The following COL19A1 variants were observed in gnomAD, a reference collection of about 807,000 sequenced individuals.
The protein encoded by COL19A1 is collagen alpha-1(XIX) chain.
In COL19A1, 159 loss-of-function variants were observed where a neutral mutation model predicts 190.2. That is an observed-to-expected ratio of 0.84 (90% confidence interval 0.73 to 0.95). The LOEUF is 0.95. Ranked by LOEUF, COL19A1 falls within the 40% of genes least tolerant of loss-of-function variation. COL19A1 has a pLI of 0.00. For missense variants in COL19A1, 1,418 were observed against 1,431.9 expected (o/e 0.99, Z 0.16); for synonymous variants, 509 against 458.9 (o/e 1.11, Z -1.39).
chr6:69,995,784 C>G (rs1227090489), intron 11 of COL19A1, among the ~76,000 whole-genome samples: 4 of 151,970 alleles, frequency 2.6e-5, no homozygotes, highest in African/African-American at 9.7e-5. Flanking sequence ...TCTATTGATA[C>G]CTACATTTGT....
rs543558956 is a variant in COL19A1 at position 69,871,152 on chromosome 6, A to G, written c.-33+4512A>G. ...GACCTAGTCGTAAACTCTTAGGGAT[A>G]TTTTGCCTGATTATTGGCTTGAATT... On this transcript the variant is annotated intron_variant, in intron 1 of 50. Coordinates refer to ENST00000620364, the MANE Select transcript of COL19A1 (RefSeq NM_001858.6). 3.9e-5 allele frequency among the ~76,000 whole-genome samples: 6 copies of G among 152,244 alleles called. No homozygotes were observed. The East Asian group carries it at 5.8e-4, about 15-fold the overall frequency.
intron 15 of COL19A1, among the ~76,000 whole-genome samples, chr6:70,097,635 C>A (rs2150182778): frequency 6.6e-6 from 1 of 152,236 alleles, no homozygotes; most frequent in Non-Finnish European, 1.5e-5. Flanking sequence ...AGGCAGATAT[C>A]TAAATTATTG....
chr6:69,988,974 T>G (rs73746845), intron 11 of COL19A1, among the ~76,000 whole-genome samples: 3,310 of 152,296 alleles, frequency 0.022, 121 homozygotes, highest in African/African-American at 0.07. Context: ...TTCTGGGCTT[T>G]GCACAGGTCT....
intron 14 of COL19A1, among the ~76,000 whole-genome samples, chr6:70,051,603 A>T (rs776053685): frequency 3.3e-5 from 5 of 152,134 alleles, no homozygotes; most frequent in Non-Finnish European, 4.4e-5. Flanking sequence ...CTAAACAGTA[A>T]GCAAATCTAT....
chr6:70,020,042 G>A (rs1204568106), intron 11 of COL19A1, among the ~76,000 whole-genome samples: 1 of 151,974 alleles, frequency 6.6e-6, no homozygotes, highest in Non-Finnish European at 1.5e-5. Flanking sequence ...TTTTATATGG[G>A]AAAGCTTTAG....
intron 1 of COL19A1, among the ~76,000 whole-genome samples, chr6:69,876,589 A>G (rs1204476858): frequency 6.6e-6 from 1 of 152,196 alleles, no homozygotes; most frequent in Non-Finnish European, 1.5e-5. Flanking sequence ...CAATTTGAAG[A>G]TGAATAAATT....
At chr6:70,157,557 A>G (rs750592923) in intron 34 of COL19A1, among the ~76,000 whole-genome samples, 1 of 152,124 alleles carries the variant, frequency 6.6e-6, no homozygotes, top group Non-Finnish European at 1.5e-5. Context: ...TATATTTTAC[A>G]TTACCAGTAA....
chr6:70,069,502 C>G (rs1001820557), intron 15 of COL19A1, among the ~76,000 whole-genome samples: 3 of 152,114 alleles, frequency 2.0e-5, no homozygotes, highest in Non-Finnish European at 4.4e-5. Flanking sequence ...TAATCTTTGT[C>G]AGAAAACACT....
At chr6:69,977,363 T>G (rs112922152) in intron 11 of COL19A1, among the ~76,000 whole-genome samples, 6,629 of 124,840 alleles carry the variant, frequency 0.053, 487 homozygotes, top group African/African-American at 0.17. Context: ...AGTTGAACAA[T>G]GAGAACACAT....
At position 70,184,888 on chromosome 6, in the gene COL19A1, T is replaced by G. The variant is rs952879040; in HGVS notation, c.2829T>G (p.Pro943=). 8.1e-6 allele frequency: 13 copies of G among 1,613,290 alleles called. No homozygotes were observed. Among genetic ancestry groups the G allele is most frequent in the Non-Finnish European group, 1.1e-5 (13 of 1,179,646 alleles). ...IPGAQGIMGK[P]GDRGPKGERG... is the part of the protein sequence containing the mutation. ...TTTTTCAGGGCATCATGGGTAAGCC[T>G]GGAGACAGAGGCCCCAAAGGAGAAC... Residue 943 remains proline (P), a synonymous_variant, in exon 46 of 51, where the codon CCT becomes CCG. Coordinates refer to ENST00000620364, the MANE Select transcript of COL19A1 (RefSeq NM_001858.6).
At chr6:70,103,376 G>A (rs1783753645) in intron 16 of COL19A1, among the ~76,000 whole-genome samples, 1 of 152,138 alleles carries the variant, frequency 6.6e-6, no homozygotes, top group Admixed American at 6.6e-5. Context: ...TCCAAGTGGA[G>A]CAAAACCTCT....
chr6:70,053,142 T>C (rs1446231455), intron 14 of COL19A1, among the ~76,000 whole-genome samples: 1 of 152,214 alleles, frequency 6.6e-6, no homozygotes, highest in Non-Finnish European at 1.5e-5. Flanking sequence ...GGAAGTCTTT[T>C]TGTATGTTAT....
intron 2 of COL19A1, among the ~76,000 whole-genome samples, chr6:69,897,180 A>G (rs1251843707): frequency 6.6e-6 from 1 of 152,124 alleles, no homozygotes. Context: ...TTCAACATTC[A>G]GTGTTTTTCT....
intron 14 of COL19A1, among the ~76,000 whole-genome samples, chr6:70,045,535 G>T (rs183521577): frequency 2.0e-5 from 3 of 152,162 alleles, no homozygotes; most frequent in Middle Eastern, 6.8e-3. Flanking sequence ...TTTAAGGCAG[G>T]CAGTTAAATT....
chr6:70,076,395 T>G (rs1781885183), intron 15 of COL19A1, among the ~76,000 whole-genome samples: 1 of 152,196 alleles, frequency 6.6e-6, no homozygotes, highest in African/African-American at 2.4e-5. Flanking sequence ...TTTAAAAAAG[T>G]TACTTAAAAA....
chr6:69,975,506 G>A (rs1165917933), intron 11 of COL19A1, among the ~76,000 whole-genome samples: 5 of 152,180 alleles, frequency 3.3e-5, no homozygotes, highest in Admixed American at 2.6e-4. Flanking sequence ...TAGAGCTAGA[G>A]TGAATCTGAG....
At chr6:70,163,551 AG>A (rs1460336850) in intron 36 of COL19A1, among the ~76,000 whole-genome samples, 155 bp downstream of exon 36, 1 of 152,222 alleles carries the variant, frequency 6.6e-6, no homozygotes, top group Non-Finnish European at 1.5e-5. Flanking sequence ...GGAAGAACAC[AG>A]GTCCAAAGGT....
At chr6:70,023,701 T>G in intron 12 of COL19A1, 21 bp downstream of exon 12, 2 of 1,598,964 alleles carry the variant, frequency 1.3e-6, no homozygotes, top group Non-Finnish European at 1.7e-6. Flanking sequence ...CTCTTTTTTC[T>G]GATACTCTGT....
chr6:69,906,924 T>G (rs1489600868), intron 4 of COL19A1, among the ~76,000 whole-genome samples: 1 of 152,108 alleles, frequency 6.6e-6, no homozygotes, highest in South Asian at 2.1e-4. Flanking sequence ...GTAATGTTTT[T>G]CAGAAATATT....
Sources: allele counts gnomAD v4.1 joint callset (sites outside exome capture counted in the v4.1 genomes callset), GRCh38; gene constraint gnomAD v4.1.1; transcripts MANE v1.5; gene names NCBI Gene and HGNC (gene_info 2026-07-23, HGNC 2026-07-21).